CFAP221: variants seen among roughly 807,000 people sequenced by gnomAD.
CFAP221 encodes cilia and flagella associated protein 221, also known as cilia- and flagella-associated protein 221.
In CFAP221, 97 loss-of-function variants were observed where a neutral mutation model predicts 113.1. That is an observed-to-expected ratio of 0.86 (90% confidence interval 0.73 to 1.02). The LOEUF (loss-of-function observed/expected upper bound fraction) is 1.02, where lower values mean the gene tolerates loss of function less well. CFAP221 is among the 50% of genes least tolerant of loss of function. The pLI is 0.00. For missense variants in CFAP221, 1,025 were observed against 1,013.4 expected (o/e 1.01, Z -0.16); for synonymous variants, 331 against 354.4 (o/e 0.93, Z 0.74).
At chr2:119,563,371 G>T (rs905418785) in intron 6 of CFAP221, among the ~76,000 whole-genome samples, 10 of 152,090 alleles carry the variant, frequency 6.6e-5, no homozygotes, top group African/African-American at 2.4e-4. Flanking sequence ...ATATATTTTT[G>T]ATCTGTGGTT....
chr2:119,648,653 G>A (rs1280876907), intron 22 of CFAP221: 3 of 157,222 alleles, frequency 1.9e-5, no homozygotes, highest in African/African-American at 7.2e-5. Flanking sequence ...TCTGGGGAGG[G>A]AACATTTTAA....
At chr2:119,593,958 C>T (rs917698853) in intron 7 of CFAP221, among the ~76,000 whole-genome samples, 31 of 152,332 alleles carry the variant, frequency 2.0e-4, no homozygotes, top group African/African-American at 7.2e-4. Flanking sequence ...AGGCATCCAC[C>T]CACATGACCC....
chr2:119,658,739 G>C (rs1688530491), downstream of CFAP221, among the ~76,000 whole-genome samples: 1 of 152,040 alleles, frequency 6.6e-6, no homozygotes, highest in Non-Finnish European at 1.5e-5. Flanking sequence ...CTAGCACTTT[G>C]GAAGGCCAAG....
intron 6 of CFAP221, among the ~76,000 whole-genome samples, chr2:119,567,402 T>A (rs1013773829): frequency 5.9e-5 from 9 of 152,248 alleles, no homozygotes; most frequent in African/African-American, 2.2e-4. Flanking sequence ...GTGCTTTCAC[T>A]TAAAATATGC....
At chr2:119,642,680 A>G (rs1687564762) in intron 21 of CFAP221, among the ~76,000 whole-genome samples, 1 of 151,846 alleles carries the variant, frequency 6.6e-6, no homozygotes. Context: ...CTGGGATTAT[A>G]GGTGTGCATC....
intron 13 of CFAP221, among the ~76,000 whole-genome samples, chr2:119,613,130 G>A (rs1685294103): frequency 6.6e-6 from 1 of 152,252 alleles, no homozygotes; most frequent in African/African-American, 2.4e-5. Flanking sequence ...TCATGCTGAT[G>A]CAAGGGATGG....
At chr2:119,652,103 A>G (rs1406735467) in intron 23 of CFAP221, 34 bp downstream of exon 23, 3 of 1,531,134 alleles carry the variant, frequency 2.0e-6, no homozygotes, top group Non-Finnish European at 2.7e-6. Context: ...ATTAAAAGGT[A>G]ATCTTGGATG....
intron 11 of CFAP221, among the ~76,000 whole-genome samples, chr2:119,607,992 C>G (rs1684885489): frequency 6.6e-6 from 1 of 152,132 alleles, no homozygotes; most frequent in Admixed American, 6.5e-5. Context: ...TTTTATGTGA[C>G]CATATCTTTT....
chr2:119,626,421 C>T (rs1686310940), intron 15 of CFAP221, among the ~76,000 whole-genome samples: 1 of 152,084 alleles, frequency 6.6e-6, no homozygotes, highest in African/African-American at 2.4e-5. Context: ...TGATAATGAA[C>T]AAGGTCCCCC....
chr2:119,644,806 T>C (rs1687697262), intron 21 of CFAP221, among the ~76,000 whole-genome samples: 1 of 152,198 alleles, frequency 6.6e-6, no homozygotes, highest in African/African-American at 2.4e-5. Flanking sequence ...TTCCAGTCCA[T>C]ATCCATAGAG....
In CFAP221 at chr2:119,647,029, A is replaced by G; in HGVS notation, c.2297A>G (p.Asp766Gly). 6.2e-7 allele frequency: 1 copy of G among 1,608,796 alleles called. No homozygotes were observed. The highest frequency in any genetic ancestry group is 8.5e-7 in the Non-Finnish European group (1 of 1,178,066). The change falls in exon 22 of 24, where the codon GAC becomes GGC. Residue 766 changes from aspartate to glycine, a missense_variant. Transcript: ENST00000413369. ...ATCCTTGATGCCTTACCAGAAGAGG[A>G]CAGACTAGAAACAGTAGAACGGTAT... Reference protein sequence around the residue: ...PAILDALPEEDRLETVERELC... With the variant: ...PAILDALPEEGRLETVERELC...
intron 6 of CFAP221, 149 bp downstream of exon 6, chr2:119,562,263 AAAAGC>A: frequency 5.2e-6 from 3 of 575,780 alleles, no homozygotes; most frequent in Non-Finnish European, 5.9e-6. Context: ...CAAAAAAAAA[AAAAGC>A]AAAAGCAAAA....
At chr2:119,593,485 C>T (rs557889886) in intron 7 of CFAP221, among the ~76,000 whole-genome samples, 15 of 152,154 alleles carry the variant, frequency 9.9e-5, no homozygotes, top group African/African-American at 2.9e-4. Flanking sequence ...GGAGAGTAGG[C>T]GGTATCAGAT....
downstream of CFAP221, among the ~76,000 whole-genome samples, chr2:119,659,010 A>C (rs75087358): frequency 7.9e-3 from 2 of 252 alleles, no homozygotes; most frequent in South Asian, 0.5. Context: ...AAAGAAAAAG[A>C]AAAAAAAAAA....
chr2:119,570,499 A>G (rs1176863073), intron 6 of CFAP221, among the ~76,000 whole-genome samples: 1 of 152,208 alleles, frequency 6.6e-6, no homozygotes, highest in Non-Finnish European at 1.5e-5. Flanking sequence ...ACCCCCCCAA[A>G]AAAACCCATA....
intron 2 of CFAP221, 58 bp downstream of exon 2, chr2:119,546,328 G>A: frequency 6.7e-7 from 1 of 1,494,922 alleles, no homozygotes. Flanking sequence ...GCGAGCCAAA[G>A]TCCAGAGAGC....
chr2:119,578,060 C>T (rs902489386), intron 6 of CFAP221, among the ~76,000 whole-genome samples: 1 of 152,188 alleles, frequency 6.6e-6, no homozygotes, highest in Non-Finnish European at 1.5e-5. Context: ...TATCTGGGAG[C>T]TCAGATGGCC....
intron 14 of CFAP221, among the ~76,000 whole-genome samples, chr2:119,623,099 T>C (rs775906884): frequency 1.3e-5 from 2 of 152,188 alleles, no homozygotes; most frequent in African/African-American, 2.4e-5. Flanking sequence ...GATGACATGA[T>C]TGTATATTTA....
Position 119,625,562 on chromosome 2 carries a change from CATT to C in CFAP221, c.1411-18_1411-16del, listed in dbSNP as rs3215307. 311,181 of 1,576,166 alleles carry C rather than the reference CATT, an allele frequency of 0.2. 33,419 individuals are homozygous for C. The highest frequency in any genetic ancestry group is 0.43 in the East Asian group (19,360 of 44,604). On this transcript the variant is annotated intron_variant, in intron 14 of 23. Transcript: ENST00000413369. ...CGTGTGTTGATTAATAATTTGAAATCATTATCCACTCCAATTTCAGGTCATGAT... is the reference window on the plus strand; with the variant it reads ...CGTGTGTTGATTAATAATTTGAAATCATCCACTCCAATTTCAGGTCATGAT...
Sources: gnomAD v4.1 joint callset for allele counts (sites outside exome capture counted in the v4.1 genomes callset) on GRCh38, gnomAD v4.1.1 for gene constraint, MANE v1.5 for transcripts, NCBI Gene and HGNC (gene_info 2026-07-23, HGNC 2026-07-21) for gene names.